The following DLGAP2 variants were observed in gnomAD, a reference collection of about 807,000 sequenced individuals.
DLGAP2 encodes the protein DLG associated protein 2.
In DLGAP2, 26 loss-of-function variants were observed where a neutral mutation model predicts 100.3. The ratio of observed to expected loss-of-function variants is 0.26; its 90% CI spans 0.19 to 0.36. DLGAP2 has a LOEUF of 0.36. Among genes scored for constraint, DLGAP2 ranks in the 10% least tolerant of loss-of-function variants. DLGAP2 has a pLI of 1.00. For synonymous variants in DLGAP2, 886 were observed against 630.1 expected (o/e 1.41, Z -6.08); for missense variants, 1,858 against 1,453.2 (o/e 1.28, Z -4.53).
chr8:897,438 TTTTC>T (rs1798164477), intron 1 of DLGAP2, among the ~76,000 whole-genome samples: 1 of 152,200 alleles, frequency 6.6e-6, no homozygotes. Flanking sequence ...ATTTTACATT[TTTTC>T]TTAAGGACAT....
At chr8:1,274,352 C>A (rs149817488) in intron 3 of DLGAP2, among the ~76,000 whole-genome samples, 1 of 152,034 alleles carries the variant, frequency 6.6e-6, no homozygotes, top group South Asian at 2.1e-4. Context: ...TAAGCCAGCA[C>A]GTATAAGAAA....
rs145284979 is a variant in DLGAP2, at chr8:1,547,955, G to T, written c.173-671G>T. Among the ~76,000 whole-genome samples, 764 of 152,328 alleles carry T rather than the reference G, an allele frequency of 5.0e-3. 25 individuals are homozygous for T. Among genetic ancestry groups the T allele is most frequent in the Admixed American group, 0.046 (704 of 15,296 alleles). On this transcript the variant is annotated intron_variant, in intron 4 of 14. Coordinates refer to ENST00000637795, the MANE Select transcript of DLGAP2 (RefSeq NM_001346810.2). ...AGACAATATCACCCATCAAGTACCA[G>T]ATGCTATTTTTAAAACTTCTTAAGC...
At chr8:888,095 T>C (rs370104123) in intron 1 of DLGAP2, among the ~76,000 whole-genome samples, 1 of 152,078 alleles carries the variant, frequency 6.6e-6, no homozygotes, top group East Asian at 1.9e-4. Context: ...TTTTTCTCTA[T>C]TGCCTTATGT....
At chr8:1,573,342 G>C (rs1214685260) in intron 6 of DLGAP2, among the ~76,000 whole-genome samples, 2 of 136,438 alleles carry the variant, frequency 1.5e-5, no homozygotes, top group Admixed American at 1.5e-4. Context: ...ATGAGATGGA[G>C]GGGAGAGAGG....
chr8:1,683,513 C>T (rs1349814971), intron 12 of DLGAP2, among the ~76,000 whole-genome samples: 1 of 151,268 alleles, frequency 6.6e-6, no homozygotes, highest in Non-Finnish European at 1.5e-5. Flanking sequence ...AGCTCCGCAC[C>T]TCTGCTGTCA....
intron 3 of DLGAP2, among the ~76,000 whole-genome samples, chr8:1,422,799 G>A (rs1797134233): frequency 3.3e-5 from 5 of 152,134 alleles, no homozygotes; most frequent in Admixed American, 3.3e-4. Context: ...GAGGGCATGG[G>A]AGTGTTTCAT....
chr8:794,640 G>A (rs760692556), intron 1 of DLGAP2, among the ~76,000 whole-genome samples: 13 of 149,974 alleles, frequency 8.7e-5, no homozygotes, highest in Non-Finnish European at 1.2e-4. Flanking sequence ...TTCCTTGCCC[G>A]CATTCCTGTA....
At chr8:821,531 A>G (rs1796583371) in intron 1 of DLGAP2, among the ~76,000 whole-genome samples, 1 of 152,232 alleles carries the variant, frequency 6.6e-6, no homozygotes, top group Non-Finnish European at 1.5e-5. Flanking sequence ...TCAAAAATAC[A>G]TATATTAGCA....
chr8:1,682,653 T>C (rs1798983691), intron 12 of DLGAP2, among the ~76,000 whole-genome samples: 1 of 151,400 alleles, frequency 6.6e-6, no homozygotes, highest in Admixed American at 6.6e-5. Context: ...TTTGTATTTT[T>C]AGTAGAGATG....
At chr8:1,245,952 A>G (rs1372035157) in intron 2 of DLGAP2, among the ~76,000 whole-genome samples, 11 of 152,168 alleles carry the variant, frequency 7.2e-5, no homozygotes, top group Non-Finnish European at 1.2e-4. Flanking sequence ...CCTGACAAGC[A>G]GGGAAGGCCT....
At chr8:1,086,468 A>T (rs1006418880) in intron 2 of DLGAP2, among the ~76,000 whole-genome samples, 5 of 152,194 alleles carry the variant, frequency 3.3e-5, no homozygotes, top group African/African-American at 1.2e-4. Flanking sequence ...ATCAAAACAC[A>T]TAGAGTGAAT....
intron 2 of DLGAP2, among the ~76,000 whole-genome samples, chr8:1,088,656 C>G (rs1260497342): frequency 6.6e-6 from 1 of 151,858 alleles, no homozygotes; most frequent in Non-Finnish European, 1.5e-5. Context: ...TCTCTCCACC[C>G]CTCATGCAGC....
intron 4 of DLGAP2, among the ~76,000 whole-genome samples, chr8:1,519,346 C>T (rs1800508564): frequency 6.6e-6 from 1 of 152,094 alleles, no homozygotes; most frequent in South Asian, 2.1e-4. Flanking sequence ...CTTTGTGTGC[C>T]AAACAGTAGC....
chr8:1,361,065 G>C (rs909808508), intron 3 of DLGAP2, among the ~76,000 whole-genome samples: 2 of 152,210 alleles, frequency 1.3e-5, no homozygotes, highest in Admixed American at 1.3e-4. Flanking sequence ...CTTTGTGTGG[G>C]CAGTGGCCGG....
At chr8:1,034,186 C>A (rs1584997554) in intron 2 of DLGAP2, among the ~76,000 whole-genome samples, 1 of 15,914 alleles carries the variant, frequency 6.3e-5, no homozygotes, top group African/African-American at 3.9e-4. Flanking sequence ...TCACAGCAAG[C>A]GGGTTCACAG....
intron 4 of DLGAP2, among the ~76,000 whole-genome samples, chr8:1,531,079 T>G (rs777097034): frequency 1.3e-5 from 2 of 152,254 alleles, no homozygotes; most frequent in Admixed American, 6.5e-5. Flanking sequence ...CCATAAAGTT[T>G]CCAAATGTAT....
intron 5 of DLGAP2, among the ~76,000 whole-genome samples, chr8:1,551,070 C>T (rs1219941552): frequency 6.6e-6 from 1 of 152,254 alleles, no homozygotes; most frequent in Non-Finnish European, 1.5e-5. Context: ...CCATCAGGTC[C>T]AGCGTCCACA....
chr8:1,498,381 A>T (rs922252427), intron 3 of DLGAP2, among the ~76,000 whole-genome samples: 3 of 29,912 alleles, frequency 1.0e-4, no homozygotes, highest in Non-Finnish European at 3.4e-4. Context: ...AAAATAAATA[A>T]AAAAAAAAAA....
intron 3 of DLGAP2, among the ~76,000 whole-genome samples, chr8:1,370,290 A>C (rs1469438233): frequency 1.3e-5 from 2 of 152,086 alleles, no homozygotes; most frequent in Non-Finnish European, 2.9e-5. Flanking sequence ...AGTTCCCCGA[A>C]GGTCGGCAGC....
Sources: allele counts gnomAD v4.1 joint callset (sites outside exome capture counted in the v4.1 genomes callset), GRCh38; gene constraint gnomAD v4.1.1; transcripts MANE v1.5; gene names NCBI Gene and HGNC (gene_info 2026-07-23, HGNC 2026-07-21).